Variants in STMN2 observed in about 807,000 individuals in gnomAD.
The protein encoded by STMN2 is stathmin-2.
In STMN2, 2 loss-of-function variants were observed where a neutral mutation model predicts 24.1. That is an observed-to-expected ratio of 0.08 (90% CI 0.03 to 0.26). The LOEUF (loss-of-function observed/expected upper bound fraction) is 0.26, where lower values mean the gene tolerates loss of function less well. Ranked by LOEUF, STMN2 falls within the 10% of genes least tolerant of loss-of-function variation. STMN2 has a pLI of 1.00. For synonymous variants in STMN2, 83 were observed against 77.5 expected, an observed-to-expected ratio of 1.07 and a Z score of -0.37; for missense variants, 114 against 213.6, an observed-to-expected ratio of 0.53 and a Z score of 2.91.
chr8:79,641,052 T>A (rs770184179), intron 2 of STMN2, among the ~76,000 whole-genome samples: 4 of 152,218 alleles, frequency 2.6e-5, no homozygotes, highest in Non-Finnish European at 5.9e-5. Flanking sequence ...AAGCTCATAT[T>A]TGTTCAAAAG....
intron 2 of STMN2, among the ~76,000 whole-genome samples, chr8:79,640,288 T>C (rs1393855862): frequency 6.6e-6 from 1 of 152,190 alleles, no homozygotes; most frequent in East Asian, 1.9e-4. Flanking sequence ...CCCTAACCCC[T>C]GGTAACCACA....
rs149314464 is a variant in STMN2 at position 79,638,540 on chromosome 8, T to G, written c.115+1643T>G. On this transcript the variant is annotated intron_variant, in intron 2 of 4. Coordinates refer to ENST00000220876, the MANE Select transcript of STMN2 (RefSeq NM_007029.4). ...TCTTTAACTTGACCTGGTATTTCTA[T>G]GTTAGATAATAACGTGACTTGTTTA... Among the ~76,000 whole-genome samples, 3 of 152,350 alleles carry G rather than the reference T, an allele frequency of 2.0e-5. No homozygotes were observed. The East Asian group carries it at 5.8e-4, about 29-fold the overall frequency.
chr8:79,646,402 C>A (rs1339200270), intron 3 of STMN2, among the ~76,000 whole-genome samples: 1 of 151,064 alleles, frequency 6.6e-6, no homozygotes, highest in Admixed American at 6.6e-5. Flanking sequence ...GTGAAAGAAG[C>A]TAATATTATA....
chr8:79,611,780 C>T lies in STMN2; in HGVS notation c.19+566C>T, dbSNP rs1232629079. 1.2e-5 allele frequency: 11 copies of T among 946,834 alleles called. No homozygotes were observed. The African/African-American group carries it at 1.7e-4, about 15-fold the overall frequency. The allele number at this position is 946,834 out of a possible 1,614,324, so 58.7% of individuals were successfully genotyped here. Reference sequence around the variant, plus strand: ...CGAAGAAACCGCTAGTCCTGGGGTGCGGTGCAGGGAGGTAAGACGGCGGGG... The same window carrying T: ...CGAAGAAACCGCTAGTCCTGGGGTGTGGTGCAGGGAGGTAAGACGGCGGGG... On this transcript the variant is annotated intron_variant, in intron 1 of 4. Coordinates refer to ENST00000220876, the MANE Select transcript of STMN2 (RefSeq NM_007029.4).
intron 4 of STMN2, among the ~76,000 whole-genome samples, chr8:79,661,856 T>C (rs1308642555): frequency 1.3e-5 from 2 of 152,098 alleles, no homozygotes; most frequent in African/African-American, 4.8e-5. Context: ...CTTTCTTAGC[T>C]CACACAACTC....
intron 1 of STMN2, among the ~76,000 whole-genome samples, chr8:79,628,771 G>A (rs1309174995): frequency 2.0e-5 from 3 of 151,620 alleles, no homozygotes; most frequent in Admixed American, 1.3e-4. Flanking sequence ...CAAAATATCC[G>A]GGAAAAAAAT....
intron 3 of STMN2, among the ~76,000 whole-genome samples, chr8:79,643,169 A>AT (rs57490475): frequency 1.2e-4 from 18 of 145,644 alleles, no homozygotes; most frequent in Non-Finnish European, 2.1e-4. Context: ...ATATATATAT[A>AT]AAATACTAGT....
chr8:79,629,910 G>A (rs1185786175), intron 1 of STMN2, among the ~76,000 whole-genome samples: 1 of 152,132 alleles, frequency 6.6e-6, no homozygotes, highest in Non-Finnish European at 1.5e-5. Flanking sequence ...ACAGCAATAT[G>A]GAGCTCTTCA....
At chr8:79,622,649 C>A (rs943473122) in intron 1 of STMN2, among the ~76,000 whole-genome samples, 3 of 152,182 alleles carry the variant, frequency 2.0e-5, no homozygotes, top group African/African-American at 4.8e-5. Context: ...ATATATTTCT[C>A]ATTTCATGTT....
At chr8:79,627,600 T>G (rs1809687613) in intron 1 of STMN2, among the ~76,000 whole-genome samples, 1 of 152,214 alleles carries the variant, frequency 6.6e-6, no homozygotes, top group South Asian at 2.1e-4. Context: ...TGTGGAAGAG[T>G]AGAAATTGCC....
intron 1 of STMN2, among the ~76,000 whole-genome samples, chr8:79,628,124 G>A (rs1809703977): frequency 6.6e-6 from 1 of 151,974 alleles, no homozygotes. Context: ...ACCCAGTAGT[G>A]GGACTGCTGG....
At chr8:79,663,431 T>A (rs1355499603) in intron 4 of STMN2, 1 of 417,936 alleles carries the variant, frequency 2.4e-6, no homozygotes, top group African/African-American at 2.0e-5. Flanking sequence ...TTGTGAGGAT[T>A]AAGGGAATTA....
intron 1 of STMN2, among the ~76,000 whole-genome samples, chr8:79,616,375 G>C (rs1257007831): frequency 6.6e-6 from 1 of 152,092 alleles, no homozygotes; most frequent in Admixed American, 6.5e-5. Flanking sequence ...ATCAAAAGTG[G>C]ATTTTTTAAA....
In STMN2 at chr8:79,617,921, C is replaced by G. The variant is rs550766125; in HGVS notation, c.19+6707C>G. Among the ~76,000 whole-genome samples the G allele has an allele frequency of 2.6e-5, 4 of 152,268 alleles. No homozygotes were observed. The South Asian group carries it at 6.2e-4, about 24-fold the overall frequency. ...TAACTGTGTTAATCACTTAATAATC[C>G]TAAGTAGGTTCTATTACAGATATGG... On this transcript the variant is annotated intron_variant, in intron 1 of 4. Transcript: ENST00000220876.
At chr8:79,642,574 G>A (rs1810124488) in intron 3 of STMN2, among the ~76,000 whole-genome samples, 1 of 152,048 alleles carries the variant, frequency 6.6e-6, no homozygotes, top group Non-Finnish European at 1.5e-5. Context: ...TTCTATGTTG[G>A]ATAATTAAAA....
Position 79,665,682 on chromosome 8 carries a change from T to C in STMN2, c.*808T>C, listed in dbSNP as rs1018369169. ...TCTAGTTTAAGTTCTTTTGATGGAA[T>C]GAATTAATTAATGTGTCAGGTGGCT... is the stretch of plus-strand genomic sequence containing the variant. On this transcript the variant is annotated 3_prime_UTR_variant, in exon 5 of 5. Coordinates refer to ENST00000220876, the MANE Select transcript of STMN2 (RefSeq NM_007029.4). 6.5e-6 allele frequency: 1 copy of C among 154,418 alleles called. No homozygotes were observed. The highest frequency in any genetic ancestry group is 6.5e-5 in the Admixed American group (1 of 15,292). 9.6% of individuals were successfully genotyped at this position (154,418 alleles called of 1,614,324 possible).
chr8:79,627,390 T>C (rs1036429434), intron 1 of STMN2, among the ~76,000 whole-genome samples: 1 of 152,234 alleles, frequency 6.6e-6, no homozygotes, highest in Non-Finnish European at 1.5e-5. Context: ...GTATTTTCTG[T>C]GACAGATAAA....
At chr8:79,654,762 G>C in intron 3 of STMN2, 109 bp from the exon 4 acceptor site, 2 of 1,226,590 alleles carry the variant, frequency 1.6e-6, no homozygotes, top group South Asian at 1.5e-5. Flanking sequence ...AGTGCTCAAG[G>C]CTGGGAGTAC....
At chr8:79,613,221 A>G (rs1809288460) in intron 1 of STMN2, among the ~76,000 whole-genome samples, 1 of 151,734 alleles carries the variant, frequency 6.6e-6, no homozygotes, top group Admixed American at 6.5e-5. Context: ...GGCTTCTCTA[A>G]GGGAGACCCT....
Sources: allele counts gnomAD v4.1 joint callset (sites outside exome capture counted in the v4.1 genomes callset), GRCh38; gene constraint gnomAD v4.1.1; transcripts MANE v1.5; gene names NCBI Gene and HGNC (gene_info 2026-07-23, HGNC 2026-07-21).